NRDC: variants seen among roughly 807,000 people sequenced by gnomAD.
NRDC encodes the protein nardilysin.
In NRDC, 54 loss-of-function variants were observed where a neutral mutation model predicts 147.1. That is an observed-to-expected ratio of 0.37 (90% CI 0.29 to 0.46). NRDC has a LOEUF of 0.46. Ranked by LOEUF, NRDC falls within the 20% of genes least tolerant of loss-of-function variation. The pLI is 1.00. For missense variants in NRDC, 1,082 were observed against 1,370.6 expected (o/e 0.79, Z 3.33); for synonymous variants, 440 against 482.1 (o/e 0.91, Z 1.14).
At chr1:51,837,702 A>C in intron 2 of NRDC, 3 of 1,128,592 alleles carry the variant, frequency 2.7e-6, no homozygotes, top group Non-Finnish European at 3.6e-6. Context: ...CTGAATTAAG[A>C]AAGCCCTGAA....
intron 1 of NRDC, among the ~76,000 whole-genome samples, chr1:51,869,642 A>C (rs2124121898): frequency 6.6e-6 from 1 of 152,358 alleles, no homozygotes; most frequent in South Asian, 2.1e-4. Flanking sequence ...AACATAATTT[A>C]ATCTTTATTC....
At chr1:51,845,482 A>G (rs573454715) in intron 1 of NRDC, among the ~76,000 whole-genome samples, 22 of 152,244 alleles carry the variant, frequency 1.4e-4, no homozygotes, top group South Asian at 6.2e-4. Flanking sequence ...AGTCCCAGCT[A>G]CTCAGGAAGC....
chr1:51,834,399 A>T (rs1680850342), intron 3 of NRDC, among the ~76,000 whole-genome samples: 2 of 152,016 alleles, frequency 1.3e-5, no homozygotes, highest in Admixed American at 6.6e-5. Context: ...CCTGGGTTCA[A>T]GTGATTCTTG....
chr1:51,840,183 C>T (rs779832967), intron 2 of NRDC, 43 bp downstream of exon 2: 10 of 1,519,754 alleles, frequency 6.6e-6, no homozygotes, highest in Non-Finnish European at 8.8e-6. Flanking sequence ...TAGAAGTTAC[C>T]CAAAGAATTC....
intron 21 of NRDC, 37 bp downstream of exon 21, chr1:51,800,518 AG>A: frequency 1.2e-6 from 2 of 1,609,410 alleles, no homozygotes; most frequent in Non-Finnish European, 1.7e-6. Flanking sequence ...TAATACTTTC[AG>A]GTCCTCAAAA....
chr1:51,836,540 T>A, intron 2 of NRDC: 1 of 993,312 alleles, frequency 1.0e-6, no homozygotes, highest in Non-Finnish European at 1.5e-6. Flanking sequence ...CTGAACCAAG[T>A]TTTTTCCCTG....
At chr1:51,842,831 C>T (rs546050098) in intron 1 of NRDC, among the ~76,000 whole-genome samples, 6 of 151,582 alleles carry the variant, frequency 4.0e-5, no homozygotes, top group Non-Finnish European at 5.9e-5. Context: ...TTTGGGAAGC[C>T]GAGGCAGGTA....
intron 1 of NRDC, among the ~76,000 whole-genome samples, chr1:51,870,789 TTAG>T (rs1683045956): frequency 6.9e-6 from 1 of 144,024 alleles, no homozygotes; most frequent in Non-Finnish European, 1.5e-5. Flanking sequence ...GTATTAATAA[TTAG>T]TAATTAATAA....
At chr1:51,804,080 CAGAATGTAAAAGGTA>C in intron 19 of NRDC, 116 bp from the exon 20 acceptor site, 1 of 882,248 alleles carries the variant, frequency 1.1e-6, no homozygotes, top group Non-Finnish European at 1.7e-6. Context: ...TTCTCTACTC[CAGAATGTAAAAGGTA>C]ATACAGCTTA....
intron 9 of NRDC, among the ~76,000 whole-genome samples, chr1:51,819,143 A>G (rs1680102476): frequency 6.6e-6 from 1 of 152,098 alleles, no homozygotes; most frequent in Non-Finnish European, 1.5e-5. Flanking sequence ...CTCTACTAAA[A>G]ACACAAAAAT....
chr1:51,856,936 AG>A (rs1485870018), intron 1 of NRDC, among the ~76,000 whole-genome samples: 1 of 151,824 alleles, frequency 6.6e-6, no homozygotes, highest in Non-Finnish European at 1.5e-5. Flanking sequence ...GTTACAAGCC[AG>A]GAACAATGGA....
chr1:51,803,394 G>A (rs1258606118), intron 20 of NRDC, among the ~76,000 whole-genome samples: 2 of 150,992 alleles, frequency 1.3e-5, no homozygotes, highest in Admixed American at 6.6e-5. Context: ...AGAACTGATT[G>A]AACCCGGGAG....
At chr1:51,820,122 C>A (rs550692823) in intron 8 of NRDC, among the ~76,000 whole-genome samples, 56 of 152,266 alleles carry the variant, frequency 3.7e-4, no homozygotes, top group African/African-American at 1.3e-3. Context: ...TTAAAGGACC[C>A]CCTCTCACCC....
At chr1:51,792,310 G>T in intron 25 of NRDC, 67 bp downstream of exon 25, 1 of 1,539,472 alleles carries the variant, frequency 6.5e-7, no homozygotes. Flanking sequence ...AACCCAGGCA[G>T]AAAAGGCCGG....
intron 1 of NRDC, among the ~76,000 whole-genome samples, chr1:51,861,060 C>T (rs1227473496): frequency 2.0e-5 from 3 of 151,450 alleles, no homozygotes; most frequent in Non-Finnish European, 1.5e-5. Context: ...AGTGATTCTC[C>T]TGCCTCAGCC....
At chr1:51,864,982 T>G (rs1023357271) in intron 1 of NRDC, among the ~76,000 whole-genome samples, 6 of 151,330 alleles carry the variant, frequency 4.0e-5, no homozygotes, top group Non-Finnish European at 8.8e-5. Context: ...TTTCTTAATG[T>G]AAAAAACTAT....
At chr1:51,853,552 T>C (rs551037247) in intron 1 of NRDC, among the ~76,000 whole-genome samples, 9 of 152,230 alleles carry the variant, frequency 5.9e-5, no homozygotes, top group Non-Finnish European at 1.0e-4. Flanking sequence ...CTTTGTTACC[T>C]TGGTGGGGAG....
intron 1 of NRDC, among the ~76,000 whole-genome samples, chr1:51,850,759 G>A (rs143038765): frequency 6.9e-4 from 105 of 152,276 alleles, no homozygotes; most frequent in African/African-American, 2.3e-3. Context: ...TACTGAACTC[G>A]TCTGCTATCC....
rs1281687530 is a variant in NRDC at position 51,878,703 on chromosome 1, T to C, written c.-88A>G. ...AGGCGGTGGCGGCCGGCCCTGGTGC[T>C]GCCGCAGCCGCGGGGAACAGGCCTG... On this transcript the variant is annotated 5_prime_UTR_variant, in exon 1 of 31. Transcript: ENST00000352171. The C allele has an allele frequency of 1.2e-5, 15 of 1,205,650 alleles. No individual in the cohort carries two copies. The highest frequency in any genetic ancestry group is 1.6e-5 in the Non-Finnish European group (14 of 856,138). The allele number at this position is 1,205,650 out of a possible 1,614,324, so 74.7% of individuals were successfully genotyped here. A position where few individuals can be genotyped will look rare whatever the true frequency, so the allele number is the denominator to read the frequency against.
Sources: gnomAD v4.1 joint callset for allele counts (sites outside exome capture counted in the v4.1 genomes callset) on GRCh38, gnomAD v4.1.1 for gene constraint, MANE v1.5 for transcripts, NCBI Gene and HGNC (gene_info 2026-07-23, HGNC 2026-07-21) for gene names.